Variants in EFHC1 observed in about 807,000 individuals in gnomAD.
EFHC1 encodes the protein EF-hand domain containing 1.
EFHC1 carries 53 observed loss-of-function variants against 69.9 expected under a neutral mutation model. The ratio of observed to expected loss-of-function variants is 0.76; its 90% CI spans 0.61 to 0.95. The LOEUF (loss-of-function observed/expected upper bound fraction) is 0.95. Among genes scored for constraint, EFHC1 ranks in the 40% least tolerant of loss-of-function variants. The probability of loss-of-function intolerance (pLI) is 0.00; values close to 1 mark genes in which losing one functional copy is unlikely to be tolerated. For synonymous variants in EFHC1, 256 were observed against 278.4 expected (o/e 0.92, Z 0.80); for missense variants, 739 against 798.7 (o/e 0.93, Z 0.90).
chr6:52,473,152 C>T lies in EFHC1; in HGVS notation c.1278+3679C>T, dbSNP rs549679875. Among the ~76,000 whole-genome samples the T allele has an allele frequency of 3.9e-5, 6 of 152,204 alleles. No individual in the cohort carries two copies. The East Asian group carries it at 9.7e-4, about 24-fold the overall frequency. On this transcript the variant is annotated intron_variant, in intron 7 of 10. Coordinates refer to ENST00000371068, the MANE Select transcript of EFHC1 (RefSeq NM_018100.4). Reference sequence around the variant, plus strand: ...AAAAATATCACTGTGTATTAAAAGTCACAGTAATTAAAATAACATGTTATT... The same window carrying T: ...AAAAATATCACTGTGTATTAAAAGTTACAGTAATTAAAATAACATGTTATT...
chr6:52,453,140 T>A, intron 4 of EFHC1: 1 of 1,378,842 alleles, frequency 7.3e-7, no homozygotes, highest in Non-Finnish European at 9.5e-7. Flanking sequence ...CGTTTCCAAT[T>A]GACAATTTCT....
chr6:52,423,555 G>C, intron 1 of EFHC1: 1 of 416,754 alleles, frequency 2.4e-6, no homozygotes, highest in Non-Finnish European at 4.2e-6. Flanking sequence ...AGGCTGGAGT[G>C]CAGTGGTTCA....
At chr6:52,475,370 T>G (rs530744) in intron 7 of EFHC1, among the ~76,000 whole-genome samples, 51 of 152,216 alleles carry the variant, frequency 3.4e-4, no homozygotes, top group African/African-American at 1.2e-3. Flanking sequence ...GAGGTCAGAC[T>G]AAGACACTGG....
At chr6:52,479,368 T>C in intron 8 of EFHC1, 118 bp downstream of exon 8, 1 of 1,165,438 alleles carries the variant, frequency 8.6e-7, no homozygotes, top group Non-Finnish European at 1.3e-6. Flanking sequence ...GAGATAAAGC[T>C]ACTATCCTTG....
At chr6:52,471,184 A>T (rs1765428476) in intron 7 of EFHC1, among the ~76,000 whole-genome samples, 1 of 152,210 alleles carries the variant, frequency 6.6e-6, no homozygotes, top group African/African-American at 2.4e-5. Flanking sequence ...GAGGACAAAC[A>T]TTGGAATCTA....
intron 5 of EFHC1, among the ~76,000 whole-genome samples, chr6:52,457,893 C>T (rs1365375826): frequency 2.0e-5 from 3 of 152,052 alleles, no homozygotes; most frequent in African/African-American, 4.8e-5. Context: ...CTCAGTCATT[C>T]GAATAATATT....
rs1562466701 is a variant in EFHC1 at position 52,492,262 on chromosome 6, C to T, written c.1852-8C>T. The T allele has an allele frequency of 6.2e-7, 1 of 1,613,466 alleles. No individual in the cohort carries two copies. The highest frequency in any genetic ancestry group is 2.2e-5 in the East Asian group (1 of 44,886). ...CTGTCTCACCTATTCTCTTTGCTCT[C>T]TCTGCAGTTAATCAGGATGTGCTCT... On this transcript the variant is annotated splice_region_variant and splice_polypyrimidine_tract_variant and intron_variant, in intron 10 of 10. Transcript: ENST00000371068.
chr6:52,429,115 AT>A (rs779366147), intron 2 of EFHC1, among the ~76,000 whole-genome samples: 82 of 152,216 alleles, frequency 5.4e-4, no homozygotes, highest in Admixed American at 1.4e-3. Flanking sequence ...TGTATAGATT[AT>A]GAAGATTTTT....
intron 7 of EFHC1, 21 bp from the exon 8 acceptor site, chr6:52,479,016 C>G (rs1458485034): frequency 6.2e-7 from 1 of 1,609,982 alleles, no homozygotes; most frequent in South Asian, 1.1e-5. Flanking sequence ...TCATAATATC[C>G]TCTTTTCTTC....
chr6:52,445,317 A>G (rs1251130258), intron 3 of EFHC1, among the ~76,000 whole-genome samples: 1 of 148,124 alleles, frequency 6.8e-6, no homozygotes, highest in African/African-American at 2.5e-5. Flanking sequence ...TTATTATTAT[A>G]CTTTAAGTTT....
At chr6:52,464,463 A>G (rs781659410) in intron 5 of EFHC1, among the ~76,000 whole-genome samples, 1 of 152,198 alleles carries the variant, frequency 6.6e-6, no homozygotes, top group Non-Finnish European at 1.5e-5. Flanking sequence ...AGTATTTAGC[A>G]GTGTACCTAG....
chr6:52,454,833 T>C (rs189674340), intron 5 of EFHC1, among the ~76,000 whole-genome samples: 236 of 152,328 alleles, frequency 1.5e-3, no homozygotes, highest in African/African-American at 5.4e-3. Context: ...GGCTCACTCC[T>C]GTAATCCCAG....
At chr6:52,469,674 T>A (rs1441232985) in intron 7 of EFHC1, among the ~76,000 whole-genome samples, 1 of 152,228 alleles carries the variant, frequency 6.6e-6, no homozygotes, top group African/African-American at 2.4e-5. Context: ...GATCAAGTCC[T>A]ATCTCTCCCA....
At chr6:52,458,844 G>A (rs1030524802) in intron 5 of EFHC1, among the ~76,000 whole-genome samples, 1 of 152,196 alleles carries the variant, frequency 6.6e-6, no homozygotes, top group African/African-American at 2.4e-5. Flanking sequence ...CAAAGACATG[G>A]AATCAACCCA....
At chr6:52,430,497 T>C (rs1002841905) in intron 2 of EFHC1, 6 of 152,242 alleles carry the variant, frequency 3.9e-5, no homozygotes. Flanking sequence ...TCTGTTTATG[T>C]GGTGTATCAC....
chr6:52,436,711 A>G (rs952800424), intron 2 of EFHC1, among the ~76,000 whole-genome samples: 3 of 152,116 alleles, frequency 2.0e-5, no homozygotes, highest in African/African-American at 7.2e-5. Flanking sequence ...GCGCTAACTC[A>G]GCTCACTGCA....
chr6:52,471,933 G>T (rs1765444958), intron 7 of EFHC1, among the ~76,000 whole-genome samples: 1 of 151,072 alleles, frequency 6.6e-6, no homozygotes, highest in African/African-American at 2.4e-5. Flanking sequence ...AAAAACCTTT[G>T]TTTACCATGT....
chr6:52,453,362 A>T (rs1461397008), intron 4 of EFHC1: 1 of 1,287,148 alleles, frequency 7.8e-7, no homozygotes, highest in Non-Finnish European at 1.0e-6. Context: ...AACCTTCCTA[A>T]TCCTCTCCCT....
intron 9 of EFHC1, chr6:52,488,391 G>A (rs1341778194): frequency 1.3e-5 from 2 of 152,092 alleles, no homozygotes; most frequent in East Asian, 3.8e-4. Flanking sequence ...CACATGACCA[G>A]AATTTGAAAA....
Sources: allele counts gnomAD v4.1 joint callset (sites outside exome capture counted in the v4.1 genomes callset), GRCh38; gene constraint gnomAD v4.1.1; transcripts MANE v1.5; gene names NCBI Gene and HGNC (gene_info 2026-07-23, HGNC 2026-07-21).